The following TACC2 variants were observed in gnomAD, a reference collection of about 807,000 sequenced individuals.
TACC2 encodes transforming acidic coiled-coil-containing protein 2.
In TACC2, 137 loss-of-function variants were observed where a neutral mutation model predicts 227.3. The observed-to-expected ratio is 0.60, with a 90% confidence interval of 0.52 to 0.69. TACC2 has a LOEUF of 0.69. TACC2 is among the 30% of genes least tolerant of loss of function. The pLI is 0.00. For missense variants in TACC2, 3,470 were observed against 3,694.4 expected (o/e 0.94, Z 1.57); for synonymous variants, 1,523 against 1,487.5 (o/e 1.02, Z -0.55).
chr10:122,035,509 G>A (rs1960005478), intron 2 of TACC2, among the ~76,000 whole-genome samples: 1 of 152,194 alleles, frequency 6.6e-6, no homozygotes, highest in South Asian at 2.1e-4. Context: ...CTCGAATGAA[G>A]CTTCCTTATG....
chr10:122,142,381 C>T (rs1007630721), intron 6 of TACC2, among the ~76,000 whole-genome samples: 9 of 152,216 alleles, frequency 5.9e-5, no homozygotes, highest in African/African-American at 2.2e-4. Flanking sequence ...AGCTCTGAGG[C>T]CAGGACGGTG....
Position 122,210,355 on chromosome 10 carries a change from G to A in TACC2, c.5972-42G>A, listed in dbSNP as rs750632533. The A allele has an allele frequency of 8.0e-6, 12 of 1,509,314 alleles. No homozygotes were observed. Among genetic ancestry groups the A allele is most frequent in the East Asian group, 2.3e-5 (1 of 44,328 alleles). The allele number at this position is 1,509,314 out of a possible 1,614,324, so 93.5% of individuals were successfully genotyped here. ...TACAAGAGGAGAGGTGCCCCAATGC[G>A]TCCTGTGTCTGTAATTGATGGCGTT... is the stretch of plus-strand genomic sequence containing the variant. On this transcript the variant is annotated intron_variant, in intron 8 of 22. Transcript: ENST00000369005. The surrounding 1 kb of genome is among the most constrained non-coding windows in gnomAD (Gnocchi z 4.6).
At chr10:122,230,473 G>T in intron 16 of TACC2, 33 bp downstream of exon 16, 1 of 1,593,212 alleles carries the variant, frequency 6.3e-7, no homozygotes. Flanking sequence ...GCCACCTCCT[G>T]AGAATGTCAT....
At chr10:122,021,186 G>A (rs1957290548) in intron 1 of TACC2, among the ~76,000 whole-genome samples, 1 of 147,936 alleles carries the variant, frequency 6.8e-6, no homozygotes, top group African/African-American at 2.5e-5. Flanking sequence ...TCGAGATCGT[G>A]CCACTGCACT....
intron 16 of TACC2, among the ~76,000 whole-genome samples, chr10:122,232,370 T>C (rs2141483084): frequency 6.6e-6 from 1 of 152,230 alleles, no homozygotes; most frequent in Non-Finnish European, 1.5e-5. Context: ...AGTGCTTTGG[T>C]CCCCCTGCCA....
In TACC2 at chr10:122,050,524, A is replaced by G; in HGVS notation, c.120A>G (p.Gly40=). The G allele has an allele frequency of 6.2e-7, 1 of 1,614,074 alleles. No homozygotes were observed. Reference sequence around the variant, plus strand: ...AAAGGAAGCAGCAGGACACGCCCGGAAGCCCTGACCACAGAGACGCGTCCA... The same window carrying G: ...AAAGGAAGCAGCAGGACACGCCCGGGAGCCCTGACCACAGAGACGCGTCCA... ...NIKRKQQDTP[G]SPDHRDASSI... is the part of the protein sequence containing the mutation. The change falls in exon 3 of 23, where the codon GGA becomes GGG. Residue 40 remains glycine, a synonymous_variant. Transcript: ENST00000369005. The surrounding 1 kb of genome is among the most constrained non-coding windows in gnomAD (Gnocchi z 4.6).
chr10:122,179,472 T>C (rs1337909776), intron 7 of TACC2, among the ~76,000 whole-genome samples: 1 of 152,230 alleles, frequency 6.6e-6, no homozygotes, highest in Non-Finnish European at 1.5e-5. Context: ...GCCAAAACTT[T>C]GCAAAAGTAC....
chr10:122,084,674 C>A lies in TACC2; in HGVS notation c.2174C>A (p.Pro725Gln), dbSNP rs537115035. ...GAATCAGAGAAATCAGATTTTCCAC[C>A]AACTCCTGTTGCAGAGGTTGCACCC... Reference protein sequence around the residue: ...TLESEKSDFPPTPVAEVAPKA... With the variant: ...TLESEKSDFPQTPVAEVAPKA... The change falls in exon 4 of 23, where the codon CCA becomes CAA. Residue 725 changes from proline to glutamine, a missense_variant. Pro to Gln is a moderately conservative substitution (Grantham distance 76). Around this residue, in one of 10 missense-constraint regions of TACC2, gnomAD observed 1,924 missense variants for 1,978.3 expected, o/e 0.97. Coordinates refer to ENST00000369005, the MANE Select transcript of TACC2 (RefSeq NM_206862.4). 4.3e-6 allele frequency: 7 copies of A among 1,613,572 alleles called. No homozygotes were observed. In the Admixed American group the frequency reaches 1.2e-4, roughly 27 times the overall value.
intron 1 of TACC2, among the ~76,000 whole-genome samples, chr10:122,014,485 A>T (rs915428767): frequency 1.3e-5 from 2 of 152,152 alleles, no homozygotes; most frequent in Non-Finnish European, 1.5e-5. Flanking sequence ...GGCTGGGATT[A>T]CAGGCATGAG....
chr10:122,209,209 G>A lies in TACC2; in HGVS notation c.5972-1188G>A, dbSNP rs2095225400. ...CAAGGATAGGCAGGCAGGACTGAAG[G>A]AGAGGTTACAGGTGATGGCTGGAGC... On this transcript the variant is annotated intron_variant, in intron 8 of 22. Coordinates refer to ENST00000369005, the MANE Select transcript of TACC2 (RefSeq NM_206862.4). This position sits in a 1 kb window ranked among gnomAD's most constrained non-coding sequence, Gnocchi z 4.5. Among the ~76,000 whole-genome samples, 1 of 152,198 alleles carries A rather than the reference G, an allele frequency of 6.6e-6. No individual in the cohort carries two copies. The highest frequency in any genetic ancestry group is 2.4e-5 in the African/African-American group (1 of 41,446).
intron 12 of TACC2, among the ~76,000 whole-genome samples, chr10:122,225,262 C>T (rs1480324890): frequency 6.6e-6 from 1 of 152,230 alleles, no homozygotes; most frequent in Non-Finnish European, 1.5e-5. Context: ...CCAAGGGTGA[C>T]CTCTTGCTGT....
At chr10:122,027,231 AC>A (rs1410609177) in intron 2 of TACC2, among the ~76,000 whole-genome samples, 1 of 152,174 alleles carries the variant, frequency 6.6e-6, no homozygotes, top group African/African-American at 2.4e-5. Flanking sequence ...CTTTTCATAC[AC>A]TTATTTGCCA....
At position 122,209,531 on chromosome 10, in the gene TACC2, A is replaced by G. The variant is rs1400571621; in HGVS notation, c.5972-866A>G. 6.6e-6 allele frequency among the ~76,000 whole-genome samples: 1 copy of G among 152,136 alleles called. No individual in the cohort carries two copies. Among genetic ancestry groups the G allele is most frequent in the African/African-American group, 2.4e-5 (1 of 41,418 alleles). On this transcript the variant is annotated intron_variant, in intron 8 of 22. Transcript: ENST00000369005. The surrounding 1 kb of genome is among the most constrained non-coding windows in gnomAD (Gnocchi z 4.5). ...CTTCTACCCAGGATGCTTCCTCCCCAGGAGTCCTCCTGTTTCATGCACTTA... is the reference window on the plus strand; with the variant it reads ...CTTCTACCCAGGATGCTTCCTCCCCGGGAGTCCTCCTGTTTCATGCACTTA...
At chr10:122,253,947 C>T (rs751556022) in intron 22 of TACC2, 44 bp from the exon 23 acceptor site, 1 of 1,570,442 alleles carries the variant, frequency 6.4e-7, no homozygotes, top group South Asian at 1.1e-5. Context: ...TCTGACTGGC[C>T]AGATTTCAAA....
At chr10:122,187,760 G>A (rs1471169121) in intron 7 of TACC2, among the ~76,000 whole-genome samples, 3 of 152,138 alleles carry the variant, frequency 2.0e-5, no homozygotes, top group African/African-American at 7.2e-5. Flanking sequence ...CCAAAGTGCT[G>A]GGATTATAGG....
At chr10:122,020,312 T>TTG (rs10556316) in intron 1 of TACC2, among the ~76,000 whole-genome samples, 33,294 of 150,378 alleles carry the variant, frequency 0.22, 3,819 homozygotes, top group African/African-American at 0.3. Context: ...GAGCATGTGA[T>TTG]TGTGTGTGTG....
chr10:122,085,426 G>A lies in TACC2; in HGVS notation c.2926G>A (p.Gly976Arg). ...TGTCTTAAAAGACTTTTCTCTTGCAGGGAACTTCAGCAGAAAGGAAACTTG... is the reference window on the plus strand; with the variant it reads ...TGTCTTAAAAGACTTTTCTCTTGCAAGGAACTTCAGCAGAAAGGAAACTTG... ...ADVLKDFSLA[G>R]NFSRKETCCT... Residue 976 changes from glycine (G) to arginine (R), a missense_variant, in exon 4 of 23, where the codon GGG becomes AGG. This residue lies in a region of TACC2 where 1,924 missense variants were observed against 1,978.3 expected (regional missense o/e 0.97). Transcript: ENST00000369005. 1 of 1,613,902 alleles carries A rather than the reference G, an allele frequency of 6.2e-7. No homozygotes were observed.
rs917382117 is a variant in TACC2 at position 122,062,280 on chromosome 10, G to A, written c.146+11730G>A. ...AATCTCCTGACCTTGTGATCTGCCCGCCTCGGCCTCCCAAAGTGCTGGGAT... is the reference window on the plus strand; with the variant it reads ...AATCTCCTGACCTTGTGATCTGCCCACCTCGGCCTCCCAAAGTGCTGGGAT... On this transcript the variant is annotated intron_variant, in intron 3 of 22. Coordinates refer to ENST00000369005, the MANE Select transcript of TACC2 (RefSeq NM_206862.4). Among the ~76,000 whole-genome samples, 5 of 151,944 alleles carry A rather than the reference G, an allele frequency of 3.3e-5. No homozygotes were observed. In the East Asian group the frequency reaches 9.7e-4, roughly 29 times the overall value.
intron 2 of TACC2, among the ~76,000 whole-genome samples, chr10:122,036,209 T>TC (rs1318939971): frequency 6.6e-6 from 1 of 151,894 alleles, no homozygotes; most frequent in Non-Finnish European, 1.5e-5. Context: ...TTTTTTTTTT[T>TC]TGAGACGGAG....
Sources: allele counts gnomAD v4.1 joint callset (sites outside exome capture counted in the v4.1 genomes callset), GRCh38; gene constraint gnomAD v4.1.1; regional missense constraint gnomAD v4.1.1; non-coding constraint Gnocchi (gnomAD v3.1); transcripts MANE v1.5; gene names NCBI Gene and HGNC (gene_info 2026-07-23, HGNC 2026-07-21).